ANG: variants seen among roughly 807,000 people sequenced by gnomAD.
ANG encodes Homo sapiens epididymis luminal protein 168.
For synonymous variants in ANG, 74 were observed against 73.8 expected (o/e 1.00, Z -0.02); for missense variants, 178 against 187.4 (o/e 0.95, Z 0.29).
chr14:20,689,173 G>A (rs1265345078), intron 1 of ANG, among the ~76,000 whole-genome samples: 1 of 152,178 alleles, frequency 6.6e-6, no homozygotes, highest in South Asian at 2.1e-4. Context: ...CTCCCCCGTC[G>A]TCCACCCCTG....
In ANG at chr14:20,693,857, C is replaced by T. The variant is rs1320300844; in HGVS notation, c.293C>T (p.Ser98Phe). ...PHRENLRISKSSFQVTTCKLH... is the reference protein window; with the variant it reads ...PHRENLRISKFSFQVTTCKLH... ...AGAGAAAACCTAAGAATAAGCAAGT[C>T]TTCTTTCCAGGTCACCACTTGCAAG... is the stretch of plus-strand genomic sequence containing the variant. Residue 98 changes from serine (S) to phenylalanine (F), a missense_variant, in exon 2 of 2, where the codon TCT (serine) becomes TTT (phenylalanine). Ser to Phe is a radical substitution (Grantham distance 155, BLOSUM62 -2). Transcript: ENST00000397990. The T allele has an allele frequency of 6.2e-7, 1 of 1,614,194 alleles. No homozygotes were observed. Among genetic ancestry groups the T allele is most frequent in the East Asian group, 2.2e-5 (1 of 44,892 alleles).
chr14:20,686,137 C>T (rs1303638524), upstream of ANG, among the ~76,000 whole-genome samples: 1 of 151,948 alleles, frequency 6.6e-6, no homozygotes, highest in Non-Finnish European at 1.5e-5. Context: ...TTTCTCTGTT[C>T]CTCAGTTGGC....
intron 1 of ANG, among the ~76,000 whole-genome samples, chr14:20,693,004 C>T (rs558838604): frequency 5.3e-5 from 8 of 151,900 alleles, no homozygotes; most frequent in East Asian, 1.9e-4. Context: ...CCCGCCACTA[C>T]GCCCGGCTAA....
intron 1 of ANG, among the ~76,000 whole-genome samples, chr14:20,691,636 C>G (rs1405006780): frequency 6.6e-6 from 1 of 152,216 alleles, no homozygotes; most frequent in Non-Finnish European, 1.5e-5. Flanking sequence ...GAGATAGCAA[C>G]TCTCTCAAGT....
rs1251079241 is a variant in ANG at position 20,693,883 on chromosome 14, C to T, written c.319C>T (p.Leu107=). The part of the protein sequence containing the change: ...KSSFQVTTCK[L]HGGSPWPPCQ... ...TTCTTTCCAGGTCACCACTTGCAAG[C>T]TACATGGAGGTTCCCCCTGGCCTCC... Residue 107 remains leucine (L), a synonymous_variant, in exon 2 of 2, where the codon CTA becomes TTA. Transcript: ENST00000397990. 9.9e-6 allele frequency: 16 copies of T among 1,614,198 alleles called. No homozygotes were observed. Among genetic ancestry groups the T allele is most frequent in the Non-Finnish European group, 1.4e-5 (16 of 1,180,028 alleles).
Position 20,694,103 on chromosome 14 carries a change from G to A in ANG, c.*95G>A, listed in dbSNP as rs1594210933. The A allele has an allele frequency of 7.0e-7, 1 of 1,435,994 alleles. No individual in the cohort carries two copies. The highest frequency in any genetic ancestry group is 9.8e-7 in the Non-Finnish European group (1 of 1,018,716). The allele number at this position is 1,435,994 out of a possible 1,614,324, so 89.0% of individuals were successfully genotyped here. ...GTGGTGGCAACATTCATTGCCAAGG[G>A]CCCAAAGAAAGAGCTACCTGGACCT... On this transcript the variant is annotated 3_prime_UTR_variant, in exon 2 of 2. Transcript: ENST00000397990.
upstream of ANG, chr14:20,688,521 T>C (rs1886534442): frequency 5.8e-6 from 1 of 171,584 alleles, no homozygotes; most frequent in South Asian, 1.9e-4. Flanking sequence ...AGTCCTGCCA[T>C]GAACAAGAGT....
At chr14:20,686,435 A>G (rs1368973594), upstream of ANG, among the ~76,000 whole-genome samples, 1 of 152,234 alleles carries the variant, frequency 6.6e-6, no homozygotes, top group Non-Finnish European at 1.5e-5. Flanking sequence ...GTAGCTGGAT[A>G]AAAAAGTGGA....
chr14:20,688,691 C>G (rs996408973), upstream of ANG: 10 of 985,292 alleles, frequency 1.0e-5, no homozygotes, highest in Non-Finnish European at 1.2e-5. Flanking sequence ...TGTTCAAGAG[C>G]AGTGTCCTTG....
At chr14:20,693,509 G>C (rs2139023396) in intron 1 of ANG, 38 bp from the exon 2 acceptor site, 2 of 1,605,008 alleles carry the variant, frequency 1.2e-6, no homozygotes, top group South Asian at 1.1e-5. Flanking sequence ...TGGTGATGCT[G>C]TTCTTGGGTC....
chr14:20,685,806 C>T (rs1240450115), upstream of ANG, among the ~76,000 whole-genome samples: 1 of 151,936 alleles, frequency 6.6e-6, no homozygotes, highest in Non-Finnish European at 1.5e-5. Flanking sequence ...CTTTGGGAGG[C>T]CGAGGTGGGT....
chr14:20,693,056 C>T (rs1172506671), intron 1 of ANG, among the ~76,000 whole-genome samples: 1 of 151,700 alleles, frequency 6.6e-6, no homozygotes, highest in Non-Finnish European at 1.5e-5. Flanking sequence ...ACCGTGGTAG[C>T]CAGGATGGTC....
chr14:20,693,843 A>T lies in ANG; in HGVS notation c.279A>T (p.Leu93=). 6.2e-7 allele frequency: 1 copy of T among 1,614,206 alleles called. No individual in the cohort carries two copies. Among genetic ancestry groups the T allele is most frequent in the Non-Finnish European group, 8.5e-7 (1 of 1,180,028 alleles). The change falls in exon 2 of 2, where the codon CTA becomes CTT. Residue 93 remains leucine, a synonymous_variant. Transcript: ENST00000397990. ...NKNGNPHREN[L]RISKSSFQVT... is the part of the protein sequence containing the mutation. ...ATGGAAACCCTCACAGAGAAAACCT[A>T]AGAATAAGCAAGTCTTCTTTCCAGG...
upstream of ANG, among the ~76,000 whole-genome samples, chr14:20,685,118 G>A (rs1305154103): frequency 6.6e-6 from 1 of 152,136 alleles, no homozygotes; most frequent in Non-Finnish European, 1.5e-5. Flanking sequence ...CCAGCTTTTT[G>A]AAGCAGGCCT....
Position 20,693,755 on chromosome 14 carries a change from AAGAC to A in ANG, c.193_196del (p.Asp65SerfsTer28). 6.2e-7 allele frequency: 1 copy of A among 1,614,238 alleles called. No homozygotes were observed. Among genetic ancestry groups the A allele is most frequent in the South Asian group, 1.1e-5 (1 of 91,078 alleles). ...AGACGGGGCCTGACCTCACCCTGCA[AAGAC>A]ATCAACACATTTATTCATGGCAACA... On this transcript the variant is annotated frameshift_variant, in exon 2 of 2. Transcript: ENST00000397990. LOFTEE classifies it low-confidence loss of function (END_TRUNC).
upstream of ANG, among the ~76,000 whole-genome samples, chr14:20,688,121 G>A (rs1339989022): frequency 1.3e-5 from 2 of 152,176 alleles, no homozygotes; most frequent in South Asian, 2.1e-4. Context: ...AATGTTCAGG[G>A]TTAGTCTCTT....
chr14:20,684,376 G>T (rs45591635), upstream of ANG: 3,862 of 152,326 alleles, frequency 0.025, 67 homozygotes, highest in South Asian at 0.042. Context: ...GCCCGTTGGG[G>T]TCCAGCTGAG....
upstream of ANG, chr14:20,684,356 C>T (rs1462079127): frequency 1.3e-5 from 2 of 152,220 alleles, no homozygotes; most frequent in African/African-American, 4.8e-5. Flanking sequence ...GCAGTGCTCT[C>T]GCGGCTGCTG....
intron 1 of ANG, among the ~76,000 whole-genome samples, chr14:20,691,790 G>T (rs528271809): frequency 3.2e-4 from 49 of 152,314 alleles, no homozygotes; most frequent in African/African-American, 1.1e-3. Flanking sequence ...AATTTGTAAT[G>T]GAATCAACAC....
Sources: gnomAD v4.1 joint callset for allele counts (sites outside exome capture counted in the v4.1 genomes callset) on GRCh38, gnomAD v4.1.1 for gene constraint, MANE v1.5 for transcripts, NCBI Gene and HGNC (gene_info 2026-07-23, HGNC 2026-07-21) for gene names.